Variants in GBE1 observed in about 807,000 individuals in gnomAD.
GBE1 encodes 1,4-alpha-glucan branching enzyme 1.
GBE1 carries 70 observed loss-of-function variants against 88.8 expected under a neutral mutation model. The observed-to-expected ratio is 0.79, with a 90% CI of 0.65 to 0.96. The LOEUF is 0.96. GBE1 is among the 40% of genes least tolerant of loss of function. The pLI is 0.00. For missense variants in GBE1, 872 were observed against 871.0 expected (o/e 1.00, Z -0.01); for synonymous variants, 284 against 300.1 (o/e 0.95, Z 0.56).
intron 14 of GBE1, among the ~76,000 whole-genome samples, chr3:81,520,323 C>T (rs143330146): frequency 0.019 from 2,853 of 151,540 alleles, 39 homozygotes; most frequent in Non-Finnish European, 0.029. Context: ...ATTATCGCAA[C>T]GTTTCAAACT....
At chr3:81,545,515 A>C (rs1703194596) in intron 12 of GBE1, among the ~76,000 whole-genome samples, 1 of 152,160 alleles carries the variant, frequency 6.6e-6, no homozygotes, top group African/African-American at 2.4e-5. Context: ...AACAGAACTC[A>C]GTGCTCAAGA....
intron 2 of GBE1, among the ~76,000 whole-genome samples, chr3:81,699,414 T>A (rs1705652862): frequency 6.6e-6 from 1 of 152,226 alleles, no homozygotes; most frequent in East Asian, 1.9e-4. Context: ...TCATACGTTA[T>A]TGTTCCCAAT....
intron 1 of GBE1, among the ~76,000 whole-genome samples, chr3:81,708,672 T>A (rs1458844072): frequency 6.6e-6 from 1 of 152,138 alleles, no homozygotes; most frequent in African/African-American, 2.4e-5. Flanking sequence ...TGGATATACA[T>A]CACACAAAGA....
In GBE1 at chr3:81,750,605, A is replaced by ATG. The variant is rs1559708645; in HGVS notation, c.143+10769_143+10770insCA. On this transcript the variant is annotated intron_variant, in intron 1 of 15. Coordinates refer to ENST00000429644, the MANE Select transcript of GBE1 (RefSeq NM_000158.4). Reference sequence around the variant, plus strand: ...TATATATACGTATATATATATGTGTATATATATATATGTATATATATATAC... The same window carrying ATG: ...TATATATACGTATATATATATGTGTATGTATATATATATGTATATATATATAC... 2.2e-3 allele frequency among the ~76,000 whole-genome samples: 77 copies of ATG among 35,514 alleles called. 7 individuals are homozygous for ATG. The highest frequency in any genetic ancestry group is 0.02 in the East Asian group (7 of 348). 23.3% of individuals were successfully genotyped at this position (35,514 alleles called of 152,430 possible). A position where few individuals can be genotyped will look rare whatever the true frequency, so the allele number is the denominator to read the frequency against.
chr3:81,498,312 C>T (rs951065810), intron 15 of GBE1, among the ~76,000 whole-genome samples: 2 of 151,966 alleles, frequency 1.3e-5, no homozygotes, highest in Non-Finnish European at 2.9e-5. Context: ...CTATCTAAAC[C>T]TTTGAAAAGT....
At chr3:81,632,983 T>C (rs1457264369) in intron 7 of GBE1, among the ~76,000 whole-genome samples, 3 of 152,298 alleles carry the variant, frequency 2.0e-5, no homozygotes, top group African/African-American at 4.8e-5. Flanking sequence ...TCAATACTGT[T>C]AGATATTGAT....
At chr3:81,525,518 C>T (rs1702931654) in intron 14 of GBE1, among the ~76,000 whole-genome samples, 1 of 152,002 alleles carries the variant, frequency 6.6e-6, no homozygotes, top group Non-Finnish European at 1.5e-5. Context: ...CTCTGTGAGG[C>T]TTTGGTATCA....
chr3:81,697,369 G>A (rs960921684), intron 2 of GBE1, among the ~76,000 whole-genome samples: 1 of 148,172 alleles, frequency 6.7e-6, no homozygotes, highest in African/African-American at 2.5e-5. Flanking sequence ...GTGTGATCTC[G>A]GCTCACTGCA....
chr3:81,728,837 T>C (rs1393297244), intron 1 of GBE1, among the ~76,000 whole-genome samples: 1 of 152,036 alleles, frequency 6.6e-6, no homozygotes, highest in Non-Finnish European at 1.5e-5. Context: ...ATTAAATGTT[T>C]CTCATTAAAA....
At chr3:81,678,295 C>T (rs576708423) in intron 2 of GBE1, among the ~76,000 whole-genome samples, 1 of 152,262 alleles carries the variant, frequency 6.6e-6, no homozygotes, top group African/African-American at 2.4e-5. Context: ...TCCTATGGGA[C>T]CACCTTTGTA....
intron 13 of GBE1, among the ~76,000 whole-genome samples, chr3:81,536,514 A>C (rs956978199): frequency 7.9e-5 from 12 of 152,020 alleles, no homozygotes; most frequent in African/African-American, 2.9e-4. Flanking sequence ...AAATGAATAA[A>C]GAAATTTACA....
At chr3:81,612,769 T>C (rs1189513815) in intron 7 of GBE1, 7 of 440,224 alleles carry the variant, frequency 1.6e-5, no homozygotes, top group South Asian at 7.3e-5. Context: ...GATGTCTCCT[T>C]GGGTCCCACA....
At chr3:81,630,020 T>C (rs1162430381) in intron 7 of GBE1, among the ~76,000 whole-genome samples, 2 of 152,106 alleles carry the variant, frequency 1.3e-5, no homozygotes, top group Admixed American at 1.3e-4. Flanking sequence ...TCCAGCTTCA[T>C]CCATGTCCCT....
chr3:81,564,413 C>T (rs1703462591), intron 12 of GBE1, among the ~76,000 whole-genome samples: 2 of 152,122 alleles, frequency 1.3e-5, no homozygotes, highest in Admixed American at 1.3e-4. Flanking sequence ...CTGACAATCA[C>T]AAATATCCCA....
chr3:81,665,296 G>T lies in GBE1; in HGVS notation c.429+5542C>A, dbSNP rs1705095836. ...CGCTTGTAATCCCAGCACTTTGGGA[G>T]GCTGAGGCGGGCGGATCACGAGCTC... On this transcript the variant is annotated intron_variant, in intron 3 of 15. Transcript: ENST00000429644. 2.0e-5 allele frequency among the ~76,000 whole-genome samples: 3 copies of T among 152,122 alleles called. No homozygotes were observed. The South Asian group carries it at 6.2e-4, about 32-fold the overall frequency.
intron 3 of GBE1, among the ~76,000 whole-genome samples, chr3:81,662,327 C>T (rs1476833627): frequency 2.6e-5 from 4 of 152,088 alleles, no homozygotes; most frequent in Non-Finnish European, 5.9e-5. Flanking sequence ...CCACCGTACC[C>T]GGCCCTTCCT....
At chr3:81,578,695 AATT>A (rs1286214722) in intron 11 of GBE1, among the ~76,000 whole-genome samples, 1 of 151,982 alleles carries the variant, frequency 6.6e-6, no homozygotes, top group African/African-American at 2.4e-5. Flanking sequence ...AAAATATAAT[AATT>A]ATTAACTGAG....
At chr3:81,499,268 T>G in intron 14 of GBE1, 41 bp from the exon 15 acceptor site, 1 of 1,169,690 alleles carries the variant, frequency 8.5e-7, no homozygotes, top group Non-Finnish European at 1.3e-6. Flanking sequence ...AGGAGTTGAA[T>G]GAGACATTGT....
At chr3:81,552,729 CTT>C (rs1270160131) in intron 12 of GBE1, among the ~76,000 whole-genome samples, 3 of 151,976 alleles carry the variant, frequency 2.0e-5, no homozygotes, top group Non-Finnish European at 4.4e-5. Flanking sequence ...TTATACATCT[CTT>C]AATTCCTTTT....
Sources: allele counts gnomAD v4.1 joint callset (sites outside exome capture counted in the v4.1 genomes callset), GRCh38; gene constraint gnomAD v4.1.1; transcripts MANE v1.5; gene names NCBI Gene and HGNC (gene_info 2026-07-23, HGNC 2026-07-21).